GUCY1A2: variants seen among roughly 807,000 people sequenced by gnomAD.
The protein encoded by GUCY1A2 is guanylate cyclase 1 soluble subunit alpha 2, also known as guanylate cyclase soluble subunit alpha-2.
A neutral mutation model predicts 63.5 loss-of-function variants in GUCY1A2; 27 were observed. That is an observed-to-expected ratio of 0.43 (90% CI 0.31 to 0.59). The LOEUF (loss-of-function observed/expected upper bound fraction) is 0.59, where lower values mean the gene tolerates loss of function less well. Among genes scored for constraint, GUCY1A2 ranks in the 20% least tolerant of loss-of-function variants. GUCY1A2 has a pLI of 0.11. For synonymous variants in GUCY1A2, 364 were observed against 343.5 expected (o/e 1.06, Z -0.66); for missense variants, 768 against 913.3 (o/e 0.84, Z 2.05).
intron 1 of GUCY1A2, among the ~76,000 whole-genome samples, chr11:107,003,076 C>T (rs1006560552): frequency 1.3e-5 from 2 of 152,146 alleles, no homozygotes; most frequent in East Asian, 1.9e-4. Context: ...TACCTTCAAA[C>T]ATGAATTTCC....
intron 1 of GUCY1A2, among the ~76,000 whole-genome samples, chr11:107,012,094 T>C (rs1258071630): frequency 6.6e-6 from 1 of 152,192 alleles, no homozygotes; most frequent in Non-Finnish European, 1.5e-5. Flanking sequence ...GTAGTTTTCA[T>C]ATTGCCACAC....
intron 5 of GUCY1A2, among the ~76,000 whole-genome samples, chr11:106,803,269 A>T (rs1858635702): frequency 6.6e-6 from 1 of 152,188 alleles, no homozygotes; most frequent in South Asian, 2.1e-4. Context: ...TATAAATTCC[A>T]TATTGTAATT....
chr11:106,977,926 A>G (rs1861283274), intron 3 of GUCY1A2, among the ~76,000 whole-genome samples: 1 of 152,094 alleles, frequency 6.6e-6, no homozygotes, highest in African/African-American at 2.4e-5. Context: ...AGGAAAAAAA[A>G]TATTTCTTTT....
intron 1 of GUCY1A2, among the ~76,000 whole-genome samples, chr11:106,990,373 G>A (rs1028966132): frequency 1.3e-5 from 2 of 152,220 alleles, no homozygotes; most frequent in Admixed American, 6.5e-5. Flanking sequence ...GCTCAAGAAA[G>A]GTCATGAGAT....
intron 4 of GUCY1A2, among the ~76,000 whole-genome samples, chr11:106,823,120 G>A (rs1858924516): frequency 6.6e-6 from 1 of 152,188 alleles, no homozygotes; most frequent in African/African-American, 2.4e-5. Context: ...GATTCAGGGG[G>A]AACATGTACA....
chr11:106,961,353 G>A (rs770392867), intron 3 of GUCY1A2, among the ~76,000 whole-genome samples: 1 of 152,026 alleles, frequency 6.6e-6, no homozygotes, highest in Non-Finnish European at 1.5e-5. Context: ...TAGCTTAATA[G>A]GTAGACTTAG....
chr11:106,794,825 A>C (rs1864725721), intron 5 of GUCY1A2, among the ~76,000 whole-genome samples: 1 of 152,156 alleles, frequency 6.6e-6, no homozygotes, highest in African/African-American at 2.4e-5. Flanking sequence ...AAACATATAA[A>C]AAATTTAGCA....
At chr11:106,905,504 C>T (rs1860192190) in intron 4 of GUCY1A2, among the ~76,000 whole-genome samples, 1 of 152,082 alleles carries the variant, frequency 6.6e-6, no homozygotes, top group Non-Finnish European at 1.5e-5. Context: ...ATCTCCAATA[C>T]AGTTACATGA....
rs1862427157 is a variant in GUCY1A2, at chr11:106,681,230, A to C, written c.*6319T>G. 1 of 219,520 alleles carries C rather than the reference A, an allele frequency of 4.6e-6. No individual in the cohort carries two copies. Among genetic ancestry groups the C allele is most frequent in the South Asian group, 1.8e-4 (1 of 5,414 alleles). 13.6% of individuals were successfully genotyped at this position (219,520 alleles called of 1,614,324 possible). A position where few individuals can be genotyped will look rare whatever the true frequency, so the allele number is the denominator to read the frequency against. On this transcript the variant is annotated 3_prime_UTR_variant, in exon 8 of 8. Coordinates refer to ENST00000526355, the MANE Select transcript of GUCY1A2 (RefSeq NM_000855.3). The stretch of plus-strand genomic sequence containing the variant: ...CAAAATACTATCATACTTACCAAAA[A>C]CTTGTGTAGCTATCATTGAAAACAG...
At chr11:106,895,670 T>C (rs2135481156) in intron 4 of GUCY1A2, among the ~76,000 whole-genome samples, 1 of 152,260 alleles carries the variant, frequency 6.6e-6, no homozygotes, top group Middle Eastern at 3.4e-3. Context: ...ATTAAACCTC[T>C]TTTTCTTTAT....
chr11:106,727,324 C>A (rs1362921329), intron 6 of GUCY1A2, among the ~76,000 whole-genome samples: 1 of 152,166 alleles, frequency 6.6e-6, no homozygotes, highest in Admixed American at 6.5e-5. Flanking sequence ...AATTCAAGAG[C>A]TGTCCTGTGG....
intron 1 of GUCY1A2, among the ~76,000 whole-genome samples, chr11:106,994,436 T>C (rs1861509461): frequency 6.6e-6 from 1 of 152,234 alleles, no homozygotes; most frequent in South Asian, 2.1e-4. Flanking sequence ...TATTTAGTCT[T>C]TCTTCTGCCT....
At chr11:106,758,372 G>A (rs920600703) in intron 6 of GUCY1A2, among the ~76,000 whole-genome samples, 29 of 152,206 alleles carry the variant, frequency 1.9e-4, no homozygotes, top group East Asian at 1.9e-4. Flanking sequence ...ATTTGGGTAG[G>A]AGTGTATCAT....
chr11:106,945,397 A>C (rs1310247053), intron 3 of GUCY1A2, among the ~76,000 whole-genome samples: 3 of 26,954 alleles, frequency 1.1e-4, no homozygotes, highest in Admixed American at 4.4e-4. Context: ...AAAACAAAAA[A>C]AACAAAACAA....
chr11:106,939,574 GA>G lies in GUCY1A2; in HGVS notation c.1091del (p.Phe364SerfsTer24). Reference sequence around the variant, plus strand: ...CATTAACCTTTGGAGATACAATCTCGAAGCAGTCCTCAAACTTGAGCACTTT... The same window carrying G: ...CATTAACCTTTGGAGATACAATCTCGAGCAGTCCTCAAACTTGAGCACTTT... ...THKVLKFEDC[F>X]EIVSPKVNAT... On this transcript the variant is annotated frameshift_variant, in exon 4 of 8. Transcript: ENST00000526355. LOFTEE classifies it high-confidence loss of function. 1 of 1,613,498 alleles carries G rather than the reference GA, an allele frequency of 6.2e-7. No homozygotes were observed. Among genetic ancestry groups the G allele is most frequent in the Non-Finnish European group, 8.5e-7 (1 of 1,179,462 alleles).
At chr11:106,920,929 T>G (rs1860436270) in intron 4 of GUCY1A2, among the ~76,000 whole-genome samples, 1 of 152,098 alleles carries the variant, frequency 6.6e-6, no homozygotes, top group African/African-American at 2.4e-5. Context: ...TAAAAAGCAA[T>G]GGAGTCTCTG....
At chr11:107,008,550 A>C (rs1165802752) in intron 1 of GUCY1A2, among the ~76,000 whole-genome samples, 1 of 152,218 alleles carries the variant, frequency 6.6e-6, no homozygotes, top group East Asian at 1.9e-4. Context: ...AAACTACACA[A>C]GGACTTATTC....
chr11:106,879,752 G>C (rs1249266203), intron 4 of GUCY1A2, among the ~76,000 whole-genome samples: 1 of 151,864 alleles, frequency 6.6e-6, no homozygotes, highest in African/African-American at 2.4e-5. Flanking sequence ...ATTTTCATCA[G>C]TATGCCCTCC....
chr11:106,776,510 T>G lies in GUCY1A2; in HGVS notation c.1765A>C (p.Ile589Leu). The change falls in exon 6 of 8, where the codon ATT (isoleucine) becomes CTT (leucine). Residue 589 changes from isoleucine (I) to leucine (L), a missense_variant. By Grantham distance (5) the Ile-to-Leu change is conservative (BLOSUM62 2). Transcript: ENST00000526355. ...HRKSLCHAKP[I>L]ALMALKMMEL... ...ATCATCTTCAAGGCCATCAGAGCAA[T>G]GGGTTTAGCATGGCAGAGGCTTTTT... is the stretch of plus-strand genomic sequence containing the variant. 1.2e-6 allele frequency: 2 copies of G among 1,613,708 alleles called. No homozygotes were observed. The highest frequency in any genetic ancestry group is 1.7e-6 in the Non-Finnish European group (2 of 1,179,604).
Sources: gnomAD v4.1 joint callset for allele counts (sites outside exome capture counted in the v4.1 genomes callset) on GRCh38, gnomAD v4.1.1 for gene constraint, MANE v1.5 for transcripts, NCBI Gene and HGNC (gene_info 2026-07-23, HGNC 2026-07-21) for gene names.